EHMT1: variants seen among roughly 807,000 people sequenced by gnomAD.
EHMT1 encodes the protein histone-lysine N-methyltransferase EHMT1.
Under a neutral mutation model 147.2 loss-of-function variants are expected in EHMT1, and 15 were observed. That is an observed-to-expected ratio of 0.10 (90% CI 0.07 to 0.16). EHMT1 has a LOEUF of 0.16. EHMT1 is among the 10% of genes least tolerant of loss of function. The probability of loss-of-function intolerance (pLI) is 1.00; values close to 1 mark genes in which losing one functional copy is unlikely to be tolerated. For synonymous variants in EHMT1, 795 were observed against 709.6 expected, an observed-to-expected ratio of 1.12 and a Z score of -1.91; for missense variants, 1,587 against 1,772.4, an observed-to-expected ratio of 0.90 and a Z score of 1.88.
At chr9:137,686,326 A>C (rs1942425393) in intron 1 of EHMT1, among the ~76,000 whole-genome samples, 1 of 152,008 alleles carries the variant, frequency 6.6e-6, no homozygotes, top group South Asian at 2.1e-4. Context: ...TTCTTGTAAG[A>C]GTTTTATAGT....
In EHMT1 at chr9:137,690,506, C is replaced by CAAA. The variant is rs34887611; in HGVS notation, c.22-20442_22-20440dup. ...CCTGGGTGGCAGTGAGACCCTGTCT[C>CAAA]AAAAAAAAAAAAAAAAAAAAATTAC... On this transcript the variant is annotated intron_variant, in intron 1 of 26. Transcript: ENST00000460843. Among the ~76,000 whole-genome samples, 236 of 91,150 alleles carry CAAA rather than the reference C, an allele frequency of 2.6e-3. 2 individuals carry two copies. Among genetic ancestry groups the CAAA allele is most frequent in the African/African-American group, 8.6e-3 (224 of 26,198 alleles). 59.8% of individuals were successfully genotyped at this position (91,150 alleles called of 152,430 possible).
At chr9:137,799,463 C>T (rs368781351) in intron 17 of EHMT1, among the ~76,000 whole-genome samples, 309 of 152,300 alleles carry the variant, frequency 2.0e-3, no homozygotes, top group African/African-American at 7.0e-3. Context: ...TGTGCTGAAC[C>T]GCGGCGCCTC....
chr9:137,704,809 C>G (rs901268194), intron 1 of EHMT1, among the ~76,000 whole-genome samples: 2 of 141,590 alleles, frequency 1.4e-5, no homozygotes, highest in African/African-American at 5.7e-5. Flanking sequence ...CCCGCCCTCC[C>G]TCCCTCCTTT....
chr9:137,745,770 T>A, intron 6 of EHMT1: 1 of 382,298 alleles, frequency 2.6e-6, no homozygotes, highest in South Asian at 1.5e-4. Context: ...GGCTCATAAG[T>A]GCTGTCTGCA....
chr9:137,699,533 C>G (rs920958230), intron 1 of EHMT1, among the ~76,000 whole-genome samples: 2 of 152,074 alleles, frequency 1.3e-5, no homozygotes, highest in Non-Finnish European at 2.9e-5. Flanking sequence ...ATTAGCCAGG[C>G]TCTAATTGCC....
chr9:137,691,866 C>T (rs1942965273), intron 1 of EHMT1, among the ~76,000 whole-genome samples: 1 of 152,178 alleles, frequency 6.6e-6, no homozygotes, highest in Non-Finnish European at 1.5e-5. Flanking sequence ...ACATGCGAAG[C>T]GCCCTGTCTC....
chr9:137,650,160 G>GCC (rs1475023072), intron 1 of EHMT1, among the ~76,000 whole-genome samples: 20 of 152,168 alleles, frequency 1.3e-4, no homozygotes, highest in African/African-American at 4.8e-4. Context: ...GTGCAGTGGT[G>GCC]CAGTCACAGC....
At chr9:137,794,508 G>A (rs956170790) in intron 16 of EHMT1, among the ~76,000 whole-genome samples, 2 of 151,944 alleles carry the variant, frequency 1.3e-5, no homozygotes, top group South Asian at 2.1e-4. Flanking sequence ...TTAGCTGGGC[G>A]TGGTGGCACG....
chr9:137,754,417 T>A (rs189513639), intron 8 of EHMT1, 126 bp downstream of exon 8: 4 of 1,353,622 alleles, frequency 3.0e-6, no homozygotes, highest in East Asian at 2.5e-5. Context: ...TTAAAAAAAA[T>A]GTTTGAAATG....
At chr9:137,627,260 T>A (rs921763119) in intron 1 of EHMT1, among the ~76,000 whole-genome samples, 4 of 136,142 alleles carry the variant, frequency 2.9e-5, no homozygotes, top group Non-Finnish European at 6.5e-5. Context: ...GCCTGGCCAT[T>A]TTTTTTTTTT....
At chr9:137,631,736 G>T (rs1156267087) in intron 1 of EHMT1, among the ~76,000 whole-genome samples, 1 of 152,046 alleles carries the variant, frequency 6.6e-6, no homozygotes. Context: ...AAATTAGTTG[G>T]GCATTGTGGT....
chr9:137,742,672 T>C (rs1345551154), intron 4 of EHMT1, among the ~76,000 whole-genome samples: 1 of 152,172 alleles, frequency 6.6e-6, no homozygotes, highest in East Asian at 1.9e-4. Context: ...AAACCACTGC[T>C]CCAGAGCCCC....
At position 137,716,849 on chromosome 9, in the gene EHMT1, G is replaced by A. The variant is rs138824805; in HGVS notation, c.309G>A (p.Ala103=). The change falls in exon 3 of 27, where the codon GCG becomes GCA. Residue 103 remains alanine (A), a synonymous_variant. Transcript: ENST00000460843. ...ENGVSERDSE[A]AKQNHVTADD... Reference sequence around the variant, plus strand: ...GGGTTTCAGAAAGAGACTCAGAAGCGGCGAAGCAAAACCACGTCACTGCCG... The same window carrying A: ...GGGTTTCAGAAAGAGACTCAGAAGCAGCGAAGCAAAACCACGTCACTGCCG... The A allele has an allele frequency of 6.9e-5, 112 of 1,613,156 alleles. No homozygotes were observed. Among genetic ancestry groups the A allele is most frequent in the Non-Finnish European group, 8.4e-5 (99 of 1,179,900 alleles).
intron 1 of EHMT1, among the ~76,000 whole-genome samples, chr9:137,654,984 C>A (rs1380254174): frequency 6.6e-6 from 1 of 151,772 alleles, no homozygotes; most frequent in Non-Finnish European, 1.5e-5. Context: ...AGGTGGTTAA[C>A]TGTTTTTTCC....
chr9:137,731,439 C>T lies in EHMT1; in HGVS notation c.823+2910C>T, dbSNP rs1321919952. Reference sequence around the variant, plus strand: ...CCTTGTCTTGTGATGGTCATCAGTGCACCTTTCAACATGGCTGGAAAGACA... The same window carrying T: ...CCTTGTCTTGTGATGGTCATCAGTGTACCTTTCAACATGGCTGGAAAGACA... On this transcript the variant is annotated intron_variant, in intron 4 of 26. Transcript: ENST00000460843. This position sits in a 1 kb window ranked among gnomAD's most constrained non-coding sequence, Gnocchi z 4.3. 6.6e-6 allele frequency among the ~76,000 whole-genome samples: 1 copy of T among 152,178 alleles called. No individual in the cohort carries two copies. Among genetic ancestry groups the T allele is most frequent in the Non-Finnish European group, 1.5e-5 (1 of 68,034 alleles).
In EHMT1 at chr9:137,790,263, A is replaced by T. The variant is rs747197959; in HGVS notation, c.2383-585A>T. On this transcript the variant is annotated intron_variant, in intron 15 of 26. Coordinates refer to ENST00000460843, the MANE Select transcript of EHMT1 (RefSeq NM_024757.5). ...AAAGGTTTCAACAGCCAAACAGCTGATTGGCTTTTAGCACACAACCAATTT... is the reference window on the plus strand; with the variant it reads ...AAAGGTTTCAACAGCCAAACAGCTGTTTGGCTTTTAGCACACAACCAATTT... Among the ~76,000 whole-genome samples the T allele has an allele frequency of 2.7e-3, 413 of 152,318 alleles. 3 individuals are homozygous for T. Among genetic ancestry groups the T allele is most frequent in the Admixed American group, 5.7e-3 (87 of 15,300 alleles).
At chr9:137,696,294 G>A (rs769649147) in intron 1 of EHMT1, among the ~76,000 whole-genome samples, 40 of 152,140 alleles carry the variant, frequency 2.6e-4, no homozygotes, top group Non-Finnish European at 5.0e-4. Context: ...TTCATCTCAC[G>A]AGTTTCCTGG....
chr9:137,640,334 A>G (rs1417087728), intron 1 of EHMT1, among the ~76,000 whole-genome samples: 2 of 152,174 alleles, frequency 1.3e-5, no homozygotes, highest in African/African-American at 4.8e-5. Flanking sequence ...GCTGGAGTGC[A>G]GTGGCGTGAT....
chr9:137,709,642 G>A (rs1280480601), intron 1 of EHMT1, among the ~76,000 whole-genome samples: 2 of 150,422 alleles, frequency 1.3e-5, no homozygotes, highest in African/African-American at 2.5e-5. Flanking sequence ...TCATCCAGAC[G>A]CTGGACACCC....
Sources: allele counts gnomAD v4.1 joint callset (sites outside exome capture counted in the v4.1 genomes callset), GRCh38; gene constraint gnomAD v4.1.1; non-coding constraint Gnocchi (gnomAD v3.1); transcripts MANE v1.5; gene names NCBI Gene and HGNC (gene_info 2026-07-23, HGNC 2026-07-21).